Variants in PPP1R13B observed in about 807,000 individuals in gnomAD.
PPP1R13B encodes the protein protein phosphatase 1 regulatory subunit 13B.
Under a neutral mutation model 119.8 loss-of-function variants are expected in PPP1R13B, and 44 were observed. The observed-to-expected ratio is 0.37, with a 90% CI of 0.29 to 0.47. The LOEUF (loss-of-function observed/expected upper bound fraction) is 0.47. Among genes scored for constraint, PPP1R13B ranks in the 20% least tolerant of loss-of-function variants. The probability of loss-of-function intolerance (pLI) is 0.99; values close to 1 mark genes in which losing one functional copy is unlikely to be tolerated. For synonymous variants in PPP1R13B, 542 were observed against 561.5 expected (o/e 0.97, Z 0.49); for missense variants, 1,227 against 1,413.5 (o/e 0.87, Z 2.12).
chr14:103,797,153 A>G (rs1214323613), intron 2 of PPP1R13B: 3 of 435,176 alleles, frequency 6.9e-6, no homozygotes, highest in Non-Finnish European at 1.2e-5. Context: ...GTCCTGTGCA[A>G]TATAATTACA....
At position 103,784,897 on chromosome 14, in the gene PPP1R13B, C is replaced by G; in HGVS notation, c.175G>C (p.Asp59His). Residue 59 changes from aspartate to histidine, a missense_variant, in exon 3 of 17, where the codon GAT becomes CAT. Asp to His is a moderately conservative substitution (Grantham distance 81, BLOSUM62 -1). Coordinates refer to ENST00000202556, the MANE Select transcript of PPP1R13B (RefSeq NM_015316.3). ...TGAAGATGTTCGTACATCATATGAT[C>G]AAAGGGTATGGGACGTTCTAGGAAA... ...WRGNERPIPF[D>H]HMMYEHLQKW... 1 of 1,597,414 alleles carries G rather than the reference C, an allele frequency of 6.3e-7. No homozygotes were observed. Among genetic ancestry groups the G allele is most frequent in the South Asian group, 1.1e-5 (1 of 89,954 alleles).
upstream of PPP1R13B, among the ~76,000 whole-genome samples, chr14:103,847,970 G>A (rs2087110663): frequency 6.6e-6 from 1 of 151,642 alleles, no homozygotes; most frequent in Admixed American, 6.6e-5. Context: ...GCGTCCCTGC[G>A]GCGACGGCGC....
At chr14:103,745,757 T>C (rs1300102680) in intron 9 of PPP1R13B, among the ~76,000 whole-genome samples, 2 of 152,192 alleles carry the variant, frequency 1.3e-5, no homozygotes, top group Non-Finnish European at 2.9e-5. Context: ...GTCCTCAGAG[T>C]AAATAAACCT....
intron 8 of PPP1R13B, among the ~76,000 whole-genome samples, chr14:103,749,497 T>G (rs2084482855): frequency 6.6e-6 from 1 of 152,148 alleles, no homozygotes; most frequent in South Asian, 2.1e-4. Flanking sequence ...ACAGATGCTG[T>G]GACTCCAGAG....
At position 103,735,082 on chromosome 14, in the gene PPP1R13B, G is replaced by T; in HGVS notation, c.*72C>A. The T allele has an allele frequency of 6.4e-7, 1 of 1,559,446 alleles. No individual in the cohort carries two copies. The highest frequency in any genetic ancestry group is 1.1e-5 in the South Asian group (1 of 89,870). On this transcript the variant is annotated 3_prime_UTR_variant, in exon 17 of 17. Transcript: ENST00000202556. ...ACCATTTTCTAGCTGCAGCTTTCCT[G>T]GAAAACAGCACAATAATCTCTTAAG...
intron 4 of PPP1R13B, among the ~76,000 whole-genome samples, chr14:103,764,770 A>G (rs2084898618): frequency 6.6e-6 from 1 of 151,926 alleles, no homozygotes. Context: ...TATTCTCTTG[A>G]ACATACCAAC....
At chr14:103,834,048 C>G (rs1375074954) in intron 1 of PPP1R13B, among the ~76,000 whole-genome samples, 1 of 152,140 alleles carries the variant, frequency 6.6e-6, no homozygotes, top group Admixed American at 6.6e-5. Flanking sequence ...CATGGTGCTT[C>G]CACAAATAAA....
chr14:103,837,463 G>A (rs1302149563), intron 1 of PPP1R13B, among the ~76,000 whole-genome samples: 1 of 152,064 alleles, frequency 6.6e-6, no homozygotes. Flanking sequence ...AAGCCTGGCT[G>A]CTGAAGCAAT....
At position 103,733,230 on chromosome 14, in the gene PPP1R13B, T is replaced by C. The variant is rs1410558855; in HGVS notation, c.*1924A>G. ...CTTTAAACAGCTTCATGTTTTAGAATTTGTGTATTGTCAATACTTAATTGG... is the reference window on the plus strand; with the variant it reads ...CTTTAAACAGCTTCATGTTTTAGAACTTGTGTATTGTCAATACTTAATTGG... On this transcript the variant is annotated 3_prime_UTR_variant, in exon 17 of 17. Transcript: ENST00000202556. 1 of 622,994 alleles carries C rather than the reference T, an allele frequency of 1.6e-6. No individual in the cohort carries two copies. The highest frequency in any genetic ancestry group is 2.7e-6 in the Non-Finnish European group (1 of 365,514). 38.6% of individuals were successfully genotyped at this position (622,994 alleles called of 1,614,324 possible).
In PPP1R13B at chr14:103,734,779, A is replaced by C. The variant is rs1392738380; in HGVS notation, c.*375T>G. The C allele has an allele frequency of 1.1e-5, 5 of 463,598 alleles. No individual in the cohort carries two copies. The highest frequency in any genetic ancestry group is 2.1e-5 in the Non-Finnish European group (5 of 232,930). 28.7% of individuals were successfully genotyped at this position (463,598 alleles called of 1,614,324 possible). A position where few individuals can be genotyped will look rare whatever the true frequency, so the allele number is the denominator to read the frequency against. On this transcript the variant is annotated 3_prime_UTR_variant, in exon 17 of 17. Transcript: ENST00000202556. Reference sequence around the variant, plus strand: ...GGGAGCAGGCCTCACAGCGGCGGACAGTGTTCACTGCTGGAGGGGGTGATG... The same window carrying C: ...GGGAGCAGGCCTCACAGCGGCGGACCGTGTTCACTGCTGGAGGGGGTGATG...
chr14:103,754,586 AT>A (rs1567096848), intron 5 of PPP1R13B, among the ~76,000 whole-genome samples: 36 of 149,402 alleles, frequency 2.4e-4, no homozygotes, highest in Non-Finnish European at 5.9e-5. Flanking sequence ...AAAAAAAAAA[AT>A]TGAAACTTAT....
chr14:103,770,155 A>C (rs2085032924), intron 4 of PPP1R13B, among the ~76,000 whole-genome samples: 1 of 152,008 alleles, frequency 6.6e-6, no homozygotes, highest in Admixed American at 6.6e-5. Flanking sequence ...GGCCTCCCAA[A>C]GTGCTGGGTT....
chr14:103,767,389 T>C (rs1488733128), intron 4 of PPP1R13B, among the ~76,000 whole-genome samples: 2 of 152,000 alleles, frequency 1.3e-5, no homozygotes, highest in African/African-American at 4.8e-5. Flanking sequence ...TTTCTGCTTG[T>C]ATCACCATAC....
chr14:103,843,648 A>C lies in PPP1R13B; in HGVS notation c.9+3651T>G, dbSNP rs536351315. Among the ~76,000 whole-genome samples the C allele has an allele frequency of 2.0e-5, 3 of 152,312 alleles. No individual in the cohort carries two copies. The East Asian group carries it at 5.8e-4, about 29-fold the overall frequency. The stretch of plus-strand genomic sequence containing the variant: ...TTCATAAGGGAAAATTCCAAAATAT[A>C]ATTTAGTTTAGAAGTGGAAAGGACG... On this transcript the variant is annotated intron_variant, in intron 1 of 16. Coordinates refer to ENST00000202556, the MANE Select transcript of PPP1R13B (RefSeq NM_015316.3).
chr14:103,795,070 T>A (rs1218991569), intron 2 of PPP1R13B, among the ~76,000 whole-genome samples: 2 of 152,156 alleles, frequency 1.3e-5, no homozygotes, highest in Non-Finnish European at 2.9e-5. Context: ...CCCAAGAAGC[T>A]GGGACTATAG....
chr14:103,737,919 C>A, intron 14 of PPP1R13B, 59 bp from the exon 15 acceptor site: 1 of 1,526,036 alleles, frequency 6.6e-7, no homozygotes, highest in Non-Finnish European at 8.8e-7. Flanking sequence ...TAGGACGTGG[C>A]CCTCAGAGAT....
chr14:103,762,946 C>T, intron 4 of PPP1R13B: 2 of 1,023,922 alleles, frequency 2.0e-6, no homozygotes, highest in Admixed American at 2.0e-5. Context: ...TCTACAGTAT[C>T]TGCTAAATAA....
chr14:103,781,368 G>C (rs1343830506), intron 3 of PPP1R13B, among the ~76,000 whole-genome samples: 1 of 152,138 alleles, frequency 6.6e-6, no homozygotes, highest in African/African-American at 2.4e-5. Context: ...AAAAGTAGAT[G>C]AAGAGTTGAG....
chr14:103,746,696 A>G, intron 8 of PPP1R13B, 143 bp from the exon 9 acceptor site: 2 of 645,904 alleles, frequency 3.1e-6, no homozygotes, highest in Non-Finnish European at 5.0e-6. Context: ...AAAGATCAGC[A>G]TCTAGAAGGG....
Sources: gnomAD v4.1 joint callset for allele counts (sites outside exome capture counted in the v4.1 genomes callset) on GRCh38, gnomAD v4.1.1 for gene constraint, MANE v1.5 for transcripts, NCBI Gene and HGNC (gene_info 2026-07-23, HGNC 2026-07-21) for gene names.